PLEKHA8: variants seen among roughly 807,000 people sequenced by gnomAD.
PLEKHA8 encodes pleckstrin homology domain containing A8.
In PLEKHA8, 36 loss-of-function variants were observed where a neutral mutation model predicts 68.2. The ratio of observed to expected loss-of-function variants is 0.53; its 90% CI spans 0.40 to 0.70. PLEKHA8 has a LOEUF of 0.70. PLEKHA8 is among the 30% of genes least tolerant of loss of function. PLEKHA8 has a pLI of 0.00. For synonymous variants in PLEKHA8, 211 were observed against 216.1 expected (o/e 0.98, Z 0.20); for missense variants, 505 against 615.4 (o/e 0.82, Z 1.90).
chr7:30,051,404 T>G (rs993870305), intron 6 of PLEKHA8, among the ~76,000 whole-genome samples: 9 of 152,074 alleles, frequency 5.9e-5, no homozygotes, highest in Non-Finnish European at 1.0e-4. Context: ...TGGTTTTTTT[T>G]TTTTAAGAAA....
intron 9 of PLEKHA8, 124 bp downstream of exon 9, chr7:30,055,466 T>C: frequency 1.3e-6 from 1 of 799,358 alleles, no homozygotes; most frequent in South Asian, 1.5e-5. Context: ...TTTGTTCAAA[T>C]CACCAGACAC....
chr7:30,129,442 A>G, exon 14 of PLEKHA8: 1 of 964,164 alleles, frequency 1.0e-6, no homozygotes. Flanking sequence ...ATTCATGTGA[A>G]ACAAAGAGAA....
At chr7:30,060,257 C>A (rs955114162) in intron 9 of PLEKHA8, among the ~76,000 whole-genome samples, 8 of 152,086 alleles carry the variant, frequency 5.3e-5, no homozygotes. Context: ...GCCTGGCCAA[C>A]ATGGTGAAGC....
Position 30,045,193 on chromosome 7 carries a change from A to G in PLEKHA8, c.149A>G (p.Glu50Gly). ...CKGSIQMAVC[E>G]IQVHSVDNTR... ...GGGAGCATACAAATGGCAGTCTGTG[A>G]AATTCAAGGTGAGAAATCAAGCAAC... Residue 50 changes from glutamate to glycine, a missense_variant, in exon 2 of 14, where the codon GAA becomes GGA. By Grantham distance (98) the Glu-to-Gly change is moderately conservative (BLOSUM62 -2). Transcript: ENST00000449726. 1.9e-6 allele frequency: 3 copies of G among 1,594,242 alleles called. No individual in the cohort carries two copies. The East Asian group carries it at 6.7e-5, about 36-fold the overall frequency.
At chr7:30,060,105 C>G (rs886121687) in intron 9 of PLEKHA8, among the ~76,000 whole-genome samples, 4 of 149,608 alleles carry the variant, frequency 2.7e-5, no homozygotes, top group African/African-American at 7.4e-5. Context: ...CCACTGCACT[C>G]TAGCCTGGTG....
At position 30,083,107 on chromosome 7, in the gene PLEKHA8, C is replaced by T. The variant is rs938596275; in HGVS notation, c.*4320C>T. 3.5e-5 allele frequency: 34 copies of T among 983,642 alleles called. No homozygotes were observed. Among genetic ancestry groups the T allele is most frequent in the East Asian group, 1.1e-4 (1 of 8,790 alleles). The allele number at this position is 983,642 out of a possible 1,614,324, so 60.9% of individuals were successfully genotyped here. ...GTTTATAAGTAAAATATATTTTTAGCCATTGTTCTGTTAGCTGAGCTGATG... is the reference window on the plus strand; with the variant it reads ...GTTTATAAGTAAAATATATTTTTAGTCATTGTTCTGTTAGCTGAGCTGATG... On this transcript the variant is annotated 3_prime_UTR_variant, in exon 14 of 14. Transcript: ENST00000449726.
rs1794761528 is a variant in PLEKHA8 at position 30,078,659 on chromosome 7, C to T, written c.1432C>T (p.Gln478Ter). The change falls in exon 14 of 14, where the codon CAG (glutamine) becomes TAG (stop). Residue 478 changes from glutamine to a stop codon, truncating the protein, a stop_gained. Transcript: ENST00000449726. LOFTEE classifies it high-confidence loss of function. ...GTTAACCGTAAAGGAAGGTGACCAC[C>T]AGAAAGAAGCTTTCAGTATTGGGAT... ...AALTVKEGDH[Q>*]KEAFSIGMQR... The T allele has an allele frequency of 6.2e-7, 1 of 1,613,868 alleles. No individual in the cohort carries two copies. Among genetic ancestry groups the T allele is most frequent in the Non-Finnish European group, 8.5e-7 (1 of 1,179,858 alleles).
chr7:30,095,101 A>T (rs1795558916), downstream of PLEKHA8, among the ~76,000 whole-genome samples: 1 of 152,166 alleles, frequency 6.6e-6, no homozygotes, highest in South Asian at 2.1e-4. Flanking sequence ...GAATCACCAC[A>T]CTGACTTCCA....
At position 30,127,542 on chromosome 7, in the gene PLEKHA8, C is replaced by T. The variant is rs527302959; in HGVS notation, c.1363-1724C>T. Among the ~76,000 whole-genome samples the T allele has an allele frequency of 8.5e-5, 13 of 152,122 alleles. No individual in the cohort carries two copies. The East Asian group carries it at 2.1e-3, about 25-fold the overall frequency. On this transcript the variant is annotated intron_variant, in intron 13 of 13. Coordinates refer to the PLEKHA8 transcript ENST00000396257. ...TCTTCCTTTGAAATTGTTATGATCA[C>T]GAAAGGAAAGCAGACGCTAGGGAAA...
At chr7:30,105,812 T>A (rs1392149500) in intron 13 of PLEKHA8, among the ~76,000 whole-genome samples, 1 of 152,252 alleles carries the variant, frequency 6.6e-6, no homozygotes, top group Non-Finnish European at 1.5e-5. Context: ...TCTTTTCAAC[T>A]ATAGATACAT....
intron 7 of PLEKHA8, 101 bp downstream of exon 7, chr7:30,052,967 A>G: frequency 1.1e-6 from 1 of 946,608 alleles, no homozygotes; most frequent in Non-Finnish European, 1.5e-6. Flanking sequence ...AAGACCATGT[A>G]GTAGTGTCTG....
At chr7:30,109,611 AAAG>A (rs1485128055) in intron 13 of PLEKHA8, among the ~76,000 whole-genome samples, 1 of 109,856 alleles carries the variant, frequency 9.1e-6, no homozygotes, top group East Asian at 2.1e-4. Context: ...AAAAAAAAAA[AAAG>A]AGAGAGAGAT....
chr7:30,118,090 C>G (rs1288620877), intron 13 of PLEKHA8: 2 of 1,395,418 alleles, frequency 1.4e-6, no homozygotes, highest in Middle Eastern at 3.6e-4. Context: ...CTGGGTGACG[C>G]CTCTCTCCAG....
intron 1 of PLEKHA8, among the ~76,000 whole-genome samples, chr7:30,043,237 T>C (rs529686429): frequency 1.3e-5 from 2 of 152,266 alleles, no homozygotes; most frequent in South Asian, 4.1e-4. Context: ...CCTCAAGTGA[T>C]CCACCCATCT....
chr7:30,114,245 A>T (rs1036336343), intron 13 of PLEKHA8, among the ~76,000 whole-genome samples: 1 of 152,202 alleles, frequency 6.6e-6, no homozygotes, highest in Admixed American at 6.5e-5. Context: ...CTCTGTGCCA[A>T]GCATATGTGT....
intron 13 of PLEKHA8, among the ~76,000 whole-genome samples, chr7:30,116,266 ACATGTATGTATGTATACATGTATGTATT>A (rs1562559438): frequency 6.6e-6 from 1 of 151,458 alleles, no homozygotes; most frequent in Non-Finnish European, 1.5e-5. Context: ...ATACATGCAT[ACATGTATGTATGTATACATGTATGTATT>A]CATACATGTA....
chr7:30,081,664 C>T lies in PLEKHA8; in HGVS notation c.*2877C>T, dbSNP rs761105762. The T allele has an allele frequency of 1.9e-4, 183 of 984,868 alleles. No homozygotes were observed. The highest frequency in any genetic ancestry group is 2.1e-4 in the Non-Finnish European group (176 of 829,608). 61.0% of individuals were successfully genotyped at this position (984,868 alleles called of 1,614,324 possible). On this transcript the variant is annotated 3_prime_UTR_variant, in exon 14 of 14. Transcript: ENST00000449726. The stretch of plus-strand genomic sequence containing the variant: ...GGCAGAGTAATCACTTTGTTCTCAT[C>T]GCTCAAAGCATTTTTAGGATTATTT...
intron 1 of PLEKHA8, among the ~76,000 whole-genome samples, chr7:30,038,997 T>TA (rs1397907286): frequency 7.1e-6 from 1 of 140,456 alleles, no homozygotes; most frequent in Non-Finnish European, 1.5e-5. Context: ...TGAAGAAAAT[T>TA]ATGCTCATTG....
intron 13 of PLEKHA8, among the ~76,000 whole-genome samples, chr7:30,126,729 G>A (rs1415873554): frequency 6.6e-6 from 1 of 152,172 alleles, no homozygotes; most frequent in South Asian, 2.1e-4. Flanking sequence ...AAGGTGAAAG[G>A]CACGTCTCAC....
Sources: allele counts gnomAD v4.1 joint callset (sites outside exome capture counted in the v4.1 genomes callset), GRCh38; gene constraint gnomAD v4.1.1; transcripts MANE v1.5; gene names NCBI Gene and HGNC (gene_info 2026-07-23, HGNC 2026-07-21).